ASCC3: variants seen among roughly 807,000 people sequenced by gnomAD.
The protein encoded by ASCC3 is ASC-1 complex subunit P200.
A neutral mutation model predicts 256.3 loss-of-function variants in ASCC3; 158 were observed. The observed-to-expected ratio is 0.62, with a 90% CI of 0.54 to 0.70. The LOEUF is 0.70. Ranked by LOEUF, ASCC3 falls within the 30% of genes least tolerant of loss-of-function variation. The probability of loss-of-function intolerance (pLI) is 0.00; values close to 1 mark genes in which losing one functional copy is unlikely to be tolerated. For synonymous variants in ASCC3, 948 were observed against 883.4 expected (o/e 1.07, Z -1.30); for missense variants, 2,259 against 2,626.0 (o/e 0.86, Z 3.05).
intron 13 of ASCC3, among the ~76,000 whole-genome samples, chr6:100,709,609 T>C (rs930260527): frequency 2.6e-5 from 4 of 152,184 alleles, no homozygotes; most frequent in Non-Finnish European, 5.9e-5. Context: ...GAATAAAGAT[T>C]CCTTTTTCTC....
intron 10 of ASCC3, among the ~76,000 whole-genome samples, chr6:100,759,167 A>T (rs1781321414): frequency 6.6e-6 from 1 of 151,986 alleles, no homozygotes; most frequent in Non-Finnish European, 1.5e-5. Flanking sequence ...GATTGCAAAA[A>T]TTTTCTCCCA....
At chr6:100,666,134 C>T (rs930212778) in intron 14 of ASCC3, among the ~76,000 whole-genome samples, 1 of 152,112 alleles carries the variant, frequency 6.6e-6, no homozygotes, top group Non-Finnish European at 1.5e-5. Flanking sequence ...TAAGTTGTTG[C>T]ATATATCAAT....
chr6:100,543,806 C>G (rs1160946677), intron 36 of ASCC3, among the ~76,000 whole-genome samples: 1 of 151,920 alleles, frequency 6.6e-6, no homozygotes, highest in African/African-American at 2.4e-5. Context: ...TAAAACAAGT[C>G]GAAAAAATCA....
At chr6:100,574,792 C>G (rs1171725769) in intron 36 of ASCC3, among the ~76,000 whole-genome samples, 1 of 151,890 alleles carries the variant, frequency 6.6e-6, no homozygotes, top group Non-Finnish European at 1.5e-5. Flanking sequence ...CTATAATCTA[C>G]TAAATCACAA....
chr6:100,569,298 G>T (rs919350396), intron 36 of ASCC3, among the ~76,000 whole-genome samples: 7 of 151,940 alleles, frequency 4.6e-5, no homozygotes, highest in African/African-American at 1.7e-4. Flanking sequence ...TTTATTTCTG[G>T]TCTCTCTATT....
intron 36 of ASCC3, among the ~76,000 whole-genome samples, chr6:100,568,043 G>A (rs575433833): frequency 2.0e-5 from 3 of 151,982 alleles, no homozygotes; most frequent in Non-Finnish European, 4.4e-5. Flanking sequence ...CCACATCCTT[G>A]ACAACATCTG....
At chr6:100,800,733 C>G (rs1051694757) in intron 5 of ASCC3, among the ~76,000 whole-genome samples, 3 of 151,930 alleles carry the variant, frequency 2.0e-5, no homozygotes, top group East Asian at 1.9e-4. Context: ...TTCCTACAGA[C>G]TAAACAGTTC....
Position 100,766,714 on chromosome 6 carries a change from A to C in ASCC3, c.1597-9T>G. The stretch of plus-strand genomic sequence containing the variant: ...GGAGCAACATATACAATCTATACCA[A>C]AGGAACACTAGCTTGATTAATGAGC... On this transcript the variant is annotated splice_polypyrimidine_tract_variant and intron_variant, in intron 9 of 41. Transcript: ENST00000369162. 6.2e-7 allele frequency: 1 copy of C among 1,613,992 alleles called. No individual in the cohort carries two copies. The highest frequency in any genetic ancestry group is 8.5e-7 in the Non-Finnish European group (1 of 1,179,924).
At chr6:100,588,227 T>C (rs1404397182) in intron 36 of ASCC3, among the ~76,000 whole-genome samples, 1 of 152,200 alleles carries the variant, frequency 6.6e-6, no homozygotes, top group Non-Finnish European at 1.5e-5. Context: ...TTAAAGTTCT[T>C]AATGTCTAGC....
At chr6:100,581,610 G>C (rs570688862) in intron 36 of ASCC3, among the ~76,000 whole-genome samples, 187 of 151,876 alleles carry the variant, frequency 1.2e-3, no homozygotes, top group African/African-American at 4.4e-3. Flanking sequence ...TGTCAATTTT[G>C]TCTTTTGTTG....
chr6:100,839,312 G>A (rs552514897), intron 4 of ASCC3, among the ~76,000 whole-genome samples: 1 of 152,238 alleles, frequency 6.6e-6, no homozygotes, highest in South Asian at 2.1e-4. Context: ...ACAGAGTACA[G>A]AATTAATGAC....
Position 100,655,689 on chromosome 6 carries a change from A to G in ASCC3, c.2823+10T>C, listed in dbSNP as rs755067996. On this transcript the variant is annotated intron_variant, in intron 17 of 41. Coordinates refer to ENST00000369162, the MANE Select transcript of ASCC3 (RefSeq NM_006828.4). Reference sequence around the variant, plus strand: ...GTCTGAATTTTTTTTTTAATAAATGAGTTTTCTACCTGATAAGCCTTGTGA... The same window carrying G: ...GTCTGAATTTTTTTTTTAATAAATGGGTTTTCTACCTGATAAGCCTTGTGA... The G allele has an allele frequency of 1.9e-6, 3 of 1,608,682 alleles. No individual in the cohort carries two copies. In the South Asian group the frequency reaches 3.3e-5, roughly 18 times the overall value.
chr6:100,849,465 A>C (rs1257466904), intron 3 of ASCC3, among the ~76,000 whole-genome samples: 2 of 152,182 alleles, frequency 1.3e-5, no homozygotes, highest in Non-Finnish European at 2.9e-5. Context: ...TAAACCTGAG[A>C]TGGCAAGAAA....
At chr6:100,574,484 G>A (rs1770758884) in intron 36 of ASCC3, among the ~76,000 whole-genome samples, 1 of 151,874 alleles carries the variant, frequency 6.6e-6, no homozygotes, top group African/African-American at 2.4e-5. Flanking sequence ...TCTTGGGCAA[G>A]GTTGGGCCAT....
intron 8 of ASCC3, among the ~76,000 whole-genome samples, chr6:100,789,492 C>T (rs905480902): frequency 6.6e-6 from 1 of 151,914 alleles, no homozygotes. Flanking sequence ...TAACAGCTCC[C>T]AGATGACTAT....
intron 22 of ASCC3, among the ~76,000 whole-genome samples, chr6:100,644,384 C>A (rs148446214): frequency 9.8e-4 from 149 of 152,236 alleles, no homozygotes; most frequent in Middle Eastern, 3.4e-3. Flanking sequence ...ACTACCTTTT[C>A]CTTACAGATT....
intron 36 of ASCC3, among the ~76,000 whole-genome samples, chr6:100,543,518 A>T (rs1308347653): frequency 2.6e-5 from 4 of 152,184 alleles, no homozygotes; most frequent in Non-Finnish European, 5.9e-5. Flanking sequence ...ATAGAAAAAG[A>T]TATACTATGC....
At chr6:100,673,685 A>G (rs887371933) in intron 14 of ASCC3, among the ~76,000 whole-genome samples, 1 of 152,188 alleles carries the variant, frequency 6.6e-6, no homozygotes, top group African/African-American at 2.4e-5. Context: ...GGCCACAACA[A>G]TGTCCCTTGA....
At chr6:100,864,031 TTA>T in intron 3 of ASCC3, 31 bp downstream of exon 3, 2 of 1,426,602 alleles carry the variant, frequency 1.4e-6, no homozygotes, top group Non-Finnish European at 1.9e-6. Flanking sequence ...CTGGTTCTCT[TTA>T]AAAAAAAAAA....
Sources: allele counts gnomAD v4.1 joint callset (sites outside exome capture counted in the v4.1 genomes callset), GRCh38; gene constraint gnomAD v4.1.1; transcripts MANE v1.5; gene names NCBI Gene and HGNC (gene_info 2026-07-23, HGNC 2026-07-21).